The following FAM222B variants were observed in gnomAD, a reference collection of about 807,000 sequenced individuals.
FAM222B encodes protein FAM222B.
A neutral mutation model predicts 38.0 loss-of-function variants in FAM222B; 12 were observed. The observed-to-expected ratio is 0.32, with a 90% CI of 0.20 to 0.51. The LOEUF (loss-of-function observed/expected upper bound fraction) is 0.51, where lower values mean the gene tolerates loss of function less well. Among genes scored for constraint, FAM222B ranks in the 20% least tolerant of loss-of-function variants. The probability of loss-of-function intolerance (pLI) is 0.97; values close to 1 mark genes in which losing one functional copy is unlikely to be tolerated. For synonymous variants in FAM222B, 329 were observed against 317.2 expected, an observed-to-expected ratio of 1.04 and a Z score of -0.40; for missense variants, 716 against 754.2, an observed-to-expected ratio of 0.95 and a Z score of 0.59.
intron 1 of FAM222B, among the ~76,000 whole-genome samples, chr17:28,810,938 G>C (rs1308829556): frequency 6.6e-6 from 1 of 152,028 alleles, no homozygotes; most frequent in East Asian, 1.9e-4. Flanking sequence ...AAAAGTGTAA[G>C]ACAGCTCCAG....
chr17:28,818,521 CGA>C (rs547659483), intron 1 of FAM222B, among the ~76,000 whole-genome samples: 2 of 145,986 alleles, frequency 1.4e-5, no homozygotes, highest in South Asian at 4.3e-4. Context: ...GGCGACAGAG[CGA>C]GAGTCCGTCT....
At chr17:28,847,839 G>A (rs895366126) in intron 1 of FAM222B, among the ~76,000 whole-genome samples, 7 of 151,732 alleles carry the variant, frequency 4.6e-5, no homozygotes, top group African/African-American at 1.7e-4. Flanking sequence ...GTGTGAACCC[G>A]GGAGGCGGAG....
intron 1 of FAM222B, among the ~76,000 whole-genome samples, chr17:28,824,815 A>T (rs1419786155): frequency 1.3e-5 from 2 of 152,174 alleles, no homozygotes; most frequent in Admixed American, 6.5e-5. Context: ...GCTCTTGTTG[A>T]CCAAGCTGGA....
chr17:28,834,120 A>G (rs9303621), intron 1 of FAM222B, among the ~76,000 whole-genome samples: 29,446 of 152,084 alleles, frequency 0.19, 2,970 homozygotes, highest in South Asian at 0.3. Context: ...TTCTCCAATC[A>G]GTCTACAATT....
At chr17:28,799,263 G>A (rs866666260) in intron 1 of FAM222B, among the ~76,000 whole-genome samples, 3 of 149,086 alleles carry the variant, frequency 2.0e-5, no homozygotes, top group Non-Finnish European at 3.0e-5. Context: ...GTGAGCCACC[G>A]CGACTGGCCT....
rs1019585613 is a variant in FAM222B, at chr17:28,785,024, G to A, written c.-40-18317C>T. On this transcript the variant is annotated intron_variant, in intron 1 of 2. Transcript: ENST00000581407. The stretch of plus-strand genomic sequence containing the variant: ...TCCCACCTCAGTCTCCCAAAGTGCT[G>A]GGTTTATAGGTATGAGCCACTGTGC... Among the ~76,000 whole-genome samples the A allele has an allele frequency of 5.3e-5, 8 of 152,096 alleles. No individual in the cohort carries two copies. In the East Asian group the frequency reaches 1.2e-3, roughly 22 times the overall value.
intron 2 of FAM222B, among the ~76,000 whole-genome samples, chr17:28,761,382 A>G (rs1251098247): frequency 6.6e-6 from 1 of 152,230 alleles, no homozygotes; most frequent in Non-Finnish European, 1.5e-5. Context: ...TGCCCAAAGC[A>G]GAAGTGGCTT....
intron 1 of FAM222B, among the ~76,000 whole-genome samples, chr17:28,770,864 G>A (rs1319374075): frequency 1.3e-5 from 2 of 151,776 alleles, no homozygotes; most frequent in African/African-American, 4.8e-5. Context: ...CCACAGTGTT[G>A]GGCCATATCA....
At chr17:28,835,163 G>A (rs938471049) in intron 1 of FAM222B, among the ~76,000 whole-genome samples, 2 of 151,698 alleles carry the variant, frequency 1.3e-5, no homozygotes, top group African/African-American at 4.8e-5. Flanking sequence ...CTCAATCCTA[G>A]CCTCCTGAGT....
At chr17:28,851,577 A>G (rs1365949832) in intron 1 of FAM222B, among the ~76,000 whole-genome samples, 1 of 151,756 alleles carries the variant, frequency 6.6e-6, no homozygotes, top group East Asian at 1.9e-4. Flanking sequence ...GCCTGTCTCT[A>G]TAAAAAATAC....
At chr17:28,762,937 CAA>C (rs1158122413) in intron 2 of FAM222B, among the ~76,000 whole-genome samples, 20 of 100,536 alleles carry the variant, frequency 2.0e-4, no homozygotes, top group Admixed American at 4.2e-4. Context: ...GACTCCGTCT[CAA>C]AAAAAAAAAA....
chr17:28,799,297 C>CT (rs35660613), intron 1 of FAM222B, among the ~76,000 whole-genome samples: 365 of 110,958 alleles, frequency 3.3e-3, no homozygotes, highest in African/African-American at 4.1e-3. Context: ...CACAGAAAAA[C>CT]TTTTTTTTTT....
intron 1 of FAM222B, among the ~76,000 whole-genome samples, chr17:28,781,485 C>T (rs2036167004): frequency 6.6e-6 from 1 of 152,022 alleles, no homozygotes; most frequent in Non-Finnish European, 1.5e-5. Context: ...AGGTTTCTCA[C>T]AAAACTGGAA....
intron 1 of FAM222B, among the ~76,000 whole-genome samples, chr17:28,797,659 A>T (rs938626400): frequency 1.3e-5 from 2 of 152,146 alleles, no homozygotes; most frequent in Admixed American, 1.3e-4. Flanking sequence ...ATTTGTAGGG[A>T]GTTTTACAAT....
At chr17:28,761,340 C>A (rs2151763758) in intron 2 of FAM222B, among the ~76,000 whole-genome samples, 1 of 152,206 alleles carries the variant, frequency 6.6e-6, no homozygotes, top group East Asian at 1.9e-4. Flanking sequence ...CAAAAGGTGC[C>A]TAATAAATGC....
At chr17:28,829,481 T>C (rs2152607715) in intron 1 of FAM222B, among the ~76,000 whole-genome samples, 1 of 152,098 alleles carries the variant, frequency 6.6e-6, no homozygotes, top group East Asian at 1.9e-4. Flanking sequence ...CCACTGTCTC[T>C]CTAGTCTTAC....
intron 1 of FAM222B, among the ~76,000 whole-genome samples, chr17:28,821,708 T>C (rs1001537172): frequency 3.9e-5 from 6 of 152,278 alleles, no homozygotes; most frequent in Admixed American, 2.0e-4. Flanking sequence ...ATGCCTGTAA[T>C]ACCAGCACTT....
At chr17:28,806,506 A>G (rs2037503457) in intron 1 of FAM222B, among the ~76,000 whole-genome samples, 1 of 152,188 alleles carries the variant, frequency 6.6e-6, no homozygotes, top group African/African-American at 2.4e-5. Context: ...GCACACCTGT[A>G]GTCCCTTCGG....
intron 1 of FAM222B, among the ~76,000 whole-genome samples, chr17:28,833,941 A>C (rs1248335211): frequency 1.3e-5 from 2 of 152,176 alleles, no homozygotes; most frequent in African/African-American, 4.8e-5. Flanking sequence ...TATTTCCTTC[A>C]AATGTAATAC....
Sources: gnomAD v4.1 joint callset for allele counts (sites outside exome capture counted in the v4.1 genomes callset) on GRCh38, gnomAD v4.1.1 for gene constraint, MANE v1.5 for transcripts, NCBI Gene and HGNC (gene_info 2026-07-23, HGNC 2026-07-21) for gene names.